IPO11: variants seen among roughly 807,000 people sequenced by gnomAD.
IPO11 encodes importin-11.
In IPO11, 66 loss-of-function variants were observed where a neutral mutation model predicts 143.2. The observed-to-expected ratio is 0.46, with a 90% confidence interval of 0.38 to 0.57. The LOEUF (loss-of-function observed/expected upper bound fraction) is 0.57. Among genes scored for constraint, IPO11 ranks in the 20% least tolerant of loss-of-function variants. The probability of loss-of-function intolerance (pLI) is 0.00; values close to 1 mark genes in which losing one functional copy is unlikely to be tolerated. For synonymous variants in IPO11, 385 were observed against 377.8 expected (o/e 1.02, Z -0.22); for missense variants, 1,026 against 1,141.0 (o/e 0.90, Z 1.45).
intron 9 of IPO11, among the ~76,000 whole-genome samples, chr5:62,477,489 T>G (rs1301986491): frequency 6.6e-6 from 1 of 152,216 alleles, no homozygotes; most frequent in African/African-American, 2.4e-5. Context: ...AGTAATTACC[T>G]TTAGTTTCAG....
At chr5:62,533,074 A>G (rs1222771313) in intron 22 of IPO11, among the ~76,000 whole-genome samples, 12 of 152,146 alleles carry the variant, frequency 7.9e-5, no homozygotes, top group African/African-American at 2.7e-4. Context: ...TGGTATGTGT[A>G]TTTACATCAA....
chr5:62,484,370 T>C (rs1746319561), intron 11 of IPO11, among the ~76,000 whole-genome samples: 3 of 152,182 alleles, frequency 2.0e-5, no homozygotes, highest in African/African-American at 7.2e-5. Context: ...GTTGTAGAAT[T>C]TTGTCCAGGA....
At position 62,452,662 on chromosome 5, in the gene IPO11, C is replaced by CGTGTGTGTGTGTGT. The variant is rs138539006; in HGVS notation, c.516+740_516+753dup. On this transcript the variant is annotated intron_variant, in intron 5 of 29. Coordinates refer to ENST00000325324, the MANE Select transcript of IPO11 (RefSeq NM_016338.5). ...TGCACCTTTTTTTTGGTTTTGGGTT[C>CGTGTGTGTGTGTGT]GTGTGTGTGTGTGTGTGTGTGTGTA... is the stretch of plus-strand genomic sequence containing the variant. 1.2e-3 allele frequency among the ~76,000 whole-genome samples: 163 copies of CGTGTGTGTGTGTGT among 140,206 alleles called. 6 individuals are homozygous for CGTGTGTGTGTGTGT. Among genetic ancestry groups the CGTGTGTGTGTGTGT allele is most frequent in the African/African-American group, 4.5e-3 (160 of 35,446 alleles). The allele number at this position is 140,206 out of a possible 152,430, so 92.0% of individuals were successfully genotyped here.
At chr5:62,425,131 C>T (rs1743677194) in intron 1 of IPO11, among the ~76,000 whole-genome samples, 1 of 152,162 alleles carries the variant, frequency 6.6e-6, no homozygotes, top group Non-Finnish European at 1.5e-5. Context: ...AGGAGCTCAG[C>T]ATTCTTTGCT....
chr5:62,581,052 T>C, intron 27 of IPO11: 3 of 1,550,646 alleles, frequency 1.9e-6, no homozygotes, highest in Non-Finnish European at 2.6e-6. Context: ...TCATCTTAGC[T>C]TGTGTTTTAA....
chr5:62,447,099 T>TTA (rs1023475240), intron 3 of IPO11, among the ~76,000 whole-genome samples: 6 of 149,890 alleles, frequency 4.0e-5, no homozygotes, highest in East Asian at 1.9e-4. Flanking sequence ...TGGTTCATAA[T>TTA]TATATATATA....
At chr5:62,462,995 C>CATATAT (rs1561320953) in intron 5 of IPO11, among the ~76,000 whole-genome samples, 1 of 151,604 alleles carries the variant, frequency 6.6e-6, no homozygotes, top group Non-Finnish European at 1.5e-5. Flanking sequence ...CTAATTTACA[C>CATATAT]ACATATATTA....
chr5:62,444,922 A>G (rs1342755452), intron 3 of IPO11, among the ~76,000 whole-genome samples: 3 of 151,172 alleles, frequency 2.0e-5, no homozygotes, highest in Admixed American at 2.0e-4. Flanking sequence ...ACATACATAT[A>G]AATATATATA....
chr5:62,579,618 A>G (rs1009430946), intron 27 of IPO11: 2 of 1,550,928 alleles, frequency 1.3e-6, no homozygotes, highest in Non-Finnish European at 1.7e-6. Context: ...ATTTTCCTGA[A>G]AGTACAGTTT....
At chr5:62,565,169 T>A (rs1245943660) in intron 27 of IPO11, among the ~76,000 whole-genome samples, 2 of 152,148 alleles carry the variant, frequency 1.3e-5, no homozygotes. Flanking sequence ...AGTTTTGTAT[T>A]AAGAAAATGG....
intron 24 of IPO11, among the ~76,000 whole-genome samples, chr5:62,548,562 G>C (rs547173337): frequency 2.0e-5 from 3 of 152,072 alleles, no homozygotes; most frequent in Non-Finnish European, 4.4e-5. Context: ...CCTGGATTGG[G>C]CATCAGTTGT....
chr5:62,580,043 A>C, intron 27 of IPO11: 2 of 1,551,258 alleles, frequency 1.3e-6, no homozygotes, highest in South Asian at 1.2e-5. Context: ...GGCTTTCAAC[A>C]TCTTGAAAAC....
At chr5:62,486,812 G>A (rs1289458988) in intron 12 of IPO11, among the ~76,000 whole-genome samples, 1 of 152,016 alleles carries the variant, frequency 6.6e-6, no homozygotes, top group East Asian at 1.9e-4. Flanking sequence ...TTCATGATAA[G>A]CTAGTTTATT....
chr5:62,586,768 A>ATATATATATATATAT (rs1554057002), intron 27 of IPO11, among the ~76,000 whole-genome samples: 2 of 28,916 alleles, frequency 6.9e-5, no homozygotes, highest in South Asian at 1.5e-3. Context: ...AAAAAAAAAA[A>ATATATATATATATAT]ATATATATAT....
At chr5:62,441,506 T>A (rs1168231240) in intron 2 of IPO11, among the ~76,000 whole-genome samples, 12 of 92,426 alleles carry the variant, frequency 1.3e-4, no homozygotes, top group Non-Finnish European at 2.2e-4. Flanking sequence ...CTTTTTTTTT[T>A]TTTTTTTTTT....
chr5:62,614,710 G>A (rs926721456), intron 29 of IPO11, among the ~76,000 whole-genome samples: 9 of 112,016 alleles, frequency 8.0e-5, no homozygotes, highest in South Asian at 5.8e-4. Flanking sequence ...CCAAGTGTGC[G>A]TGTGTGTGTG....
At chr5:62,447,532 G>A (rs1242079784) in intron 3 of IPO11, among the ~76,000 whole-genome samples, 1 of 151,782 alleles carries the variant, frequency 6.6e-6, no homozygotes, top group Non-Finnish European at 1.5e-5. Flanking sequence ...AGGTGCTTAT[G>A]TGAAGTAGGG....
chr5:62,619,089 A>G (rs1429272967), intron 29 of IPO11, among the ~76,000 whole-genome samples: 3 of 152,020 alleles, frequency 2.0e-5, no homozygotes, highest in Admixed American at 6.6e-5. Context: ...CAGGCATGGT[A>G]TTGCACGCCT....
intron 27 of IPO11, among the ~76,000 whole-genome samples, chr5:62,562,507 A>G (rs1162209368): frequency 6.6e-6 from 1 of 152,122 alleles, no homozygotes; most frequent in Non-Finnish European, 1.5e-5. Context: ...ACTGTTCACA[A>G]TAGGGTTACC....
Sources: allele counts gnomAD v4.1 joint callset (sites outside exome capture counted in the v4.1 genomes callset), GRCh38; gene constraint gnomAD v4.1.1; transcripts MANE v1.5; gene names NCBI Gene and HGNC (gene_info 2026-07-23, HGNC 2026-07-21).